Variants in UPP2 observed in about 807,000 individuals in gnomAD.
UPP2 encodes the protein UPase 2.
Under a neutral mutation model 26.7 loss-of-function variants are expected in UPP2, and 23 were observed. That is an observed-to-expected ratio of 0.86 (90% confidence interval 0.62 to 1.22). The LOEUF is 1.22. Ranked by LOEUF, UPP2 falls within the 50% of genes most tolerant of loss-of-function variation. The pLI, the probability that UPP2 is intolerant of heterozygous loss-of-function variation, is 0.00. For missense variants in UPP2, 387 were observed against 396.7 expected (o/e 0.98, Z 0.21); for synonymous variants, 127 against 141.3 (o/e 0.90, Z 0.72).
chr2:158,074,735 A>C (rs1201258394), intron 3 of UPP2, among the ~76,000 whole-genome samples: 2 of 151,740 alleles, frequency 1.3e-5, no homozygotes, highest in African/African-American at 2.4e-5. Flanking sequence ...ACAGAAAAAT[A>C]ACAAAGAGGC....
chr2:158,083,850 T>TTA (rs1015340884), intron 3 of UPP2, among the ~76,000 whole-genome samples: 10 of 143,990 alleles, frequency 6.9e-5, no homozygotes, highest in East Asian at 2.2e-4. Context: ...TTATGTCTGT[T>TTA]TATATATATA....
chr2:158,044,791 T>A (rs191271714), intron 3 of UPP2, among the ~76,000 whole-genome samples: 1 of 151,098 alleles, frequency 6.6e-6, no homozygotes, highest in Non-Finnish European at 1.5e-5. Context: ...AACCAGAGAG[T>A]CCTCTGTAAC....
chr2:158,079,568 T>C (rs1040423465), intron 3 of UPP2, among the ~76,000 whole-genome samples: 5 of 152,128 alleles, frequency 3.3e-5, no homozygotes, highest in African/African-American at 1.2e-4. Flanking sequence ...ATTAGCCAAA[T>C]TTAGAAAAAT....
chr2:158,090,424 C>T (rs551787719), intron 3 of UPP2, among the ~76,000 whole-genome samples: 1 of 152,062 alleles, frequency 6.6e-6, no homozygotes, highest in Non-Finnish European at 1.5e-5. Context: ...TGGCGTGAAC[C>T]CGGGAGGCGG....
intron 3 of UPP2, among the ~76,000 whole-genome samples, chr2:158,059,639 C>A (rs1454916688): frequency 1.3e-5 from 2 of 152,178 alleles, no homozygotes; most frequent in African/African-American, 4.8e-5. Flanking sequence ...CTCTGGGAGG[C>A]TGTGTACAGA....
intron 3 of UPP2, among the ~76,000 whole-genome samples, chr2:158,050,367 T>C (rs533531682): frequency 6.6e-6 from 1 of 151,830 alleles, no homozygotes; most frequent in African/African-American, 2.4e-5. Flanking sequence ...TTGGCTCCAA[T>C]GTATTTACAT....
intron 3 of UPP2, among the ~76,000 whole-genome samples, chr2:158,021,347 G>C (rs570448328): frequency 1.3e-5 from 2 of 152,304 alleles, no homozygotes; most frequent in East Asian, 3.9e-4. Context: ...TTTGGATGCT[G>C]GTCTGATACT....
chr2:158,098,833 G>T (rs1683027963), upstream of UPP2, among the ~76,000 whole-genome samples: 1 of 152,178 alleles, frequency 6.6e-6, no homozygotes, highest in Admixed American at 6.5e-5. Flanking sequence ...CGTATACTGA[G>T]AAAGACTGGA....
At chr2:158,090,626 G>A (rs958443008) in intron 3 of UPP2, among the ~76,000 whole-genome samples, 16 of 152,042 alleles carry the variant, frequency 1.1e-4, no homozygotes, top group Admixed American at 6.5e-4. Context: ...CTAATTTTTT[G>A]CAATATTATT....
intron 2 of UPP2, among the ~76,000 whole-genome samples, chr2:158,107,572 T>C (rs1683221516): frequency 6.6e-6 from 1 of 151,158 alleles, no homozygotes; most frequent in South Asian, 2.1e-4. Flanking sequence ...ACTTACCCAG[T>C]GGGTCAAGAG....
intron 2 of UPP2, among the ~76,000 whole-genome samples, chr2:158,002,599 C>T (rs1360282465): frequency 6.6e-6 from 1 of 152,204 alleles, no homozygotes; most frequent in East Asian, 1.9e-4. Context: ...AGGGAAGATC[C>T]CTGGGGTGGT....
intron 2 of UPP2, among the ~76,000 whole-genome samples, chr2:158,000,709 A>T (rs571372540): frequency 1.9e-4 from 29 of 152,264 alleles, no homozygotes; most frequent in Non-Finnish European, 3.4e-4. Context: ...TACTGAGCCA[A>T]GCATTGTGCA....
chr2:158,106,275 T>G, intron 2 of UPP2, 59 bp downstream of exon 2: 4 of 1,468,092 alleles, frequency 2.7e-6, no homozygotes, highest in Non-Finnish European at 3.8e-6. Flanking sequence ...ATTTTTCTTC[T>G]TACCTTGCCA....
intron 3 of UPP2, among the ~76,000 whole-genome samples, chr2:158,021,460 C>T (rs1683750817): frequency 6.6e-6 from 1 of 152,182 alleles, no homozygotes; most frequent in South Asian, 2.1e-4. Flanking sequence ...TATGGCCAAA[C>T]CAGGGAAAGC....
chr2:158,000,068 T>A (rs980574945), intron 2 of UPP2, among the ~76,000 whole-genome samples: 4 of 98,918 alleles, frequency 4.0e-5, no homozygotes, highest in African/African-American at 1.1e-4. Context: ...GCCTTTCAAA[T>A]TTTTTTTTTT....
intron 3 of UPP2, among the ~76,000 whole-genome samples, chr2:158,061,757 C>T (rs764403904): frequency 2.7e-4 from 41 of 152,216 alleles, no homozygotes; most frequent in African/African-American, 8.2e-4. Flanking sequence ...AGGATGGACT[C>T]GAAGCTGTGT....
chr2:158,014,026 T>C (rs1462932475), intron 2 of UPP2, among the ~76,000 whole-genome samples: 1 of 152,208 alleles, frequency 6.6e-6, no homozygotes, highest in Admixed American at 6.5e-5. Flanking sequence ...CTGAGCTGTT[T>C]AGGATTGAAC....
chr2:158,074,876 A>G (rs1249411825), intron 3 of UPP2, among the ~76,000 whole-genome samples: 2 of 151,926 alleles, frequency 1.3e-5, no homozygotes, highest in Non-Finnish European at 2.9e-5. Context: ...GCCTACAAAA[A>G]AGGCACTTCA....
chr2:158,084,223 T>G (rs978186860), intron 3 of UPP2, among the ~76,000 whole-genome samples: 1 of 152,108 alleles, frequency 6.6e-6, no homozygotes, highest in Admixed American at 6.6e-5. Context: ...AAGCTCATAT[T>G]GTGTTGTGGT....
Sources: allele counts gnomAD v4.1 joint callset (sites outside exome capture counted in the v4.1 genomes callset), GRCh38; gene constraint gnomAD v4.1.1; transcripts MANE v1.5; gene names NCBI Gene and HGNC (gene_info 2026-07-23, HGNC 2026-07-21).